Variants in PIWIL1 observed in about 807,000 individuals in gnomAD.
PIWIL1 encodes piwi like RNA-mediated gene silencing 1.
PIWIL1 carries 73 observed loss-of-function variants against 114.4 expected under a neutral mutation model. That is an observed-to-expected ratio of 0.64 (90% confidence interval 0.53 to 0.78). PIWIL1 has a LOEUF of 0.78. PIWIL1 is among the 30% of genes least tolerant of loss of function. PIWIL1 has a pLI of 0.00. For synonymous variants in PIWIL1, 375 were observed against 369.0 expected (o/e 1.02, Z -0.19); for missense variants, 723 against 1,063.1 (o/e 0.68, Z 4.45).
chr12:130,400,260 C>T, the PIWIL1 span, among the ~76,000 whole-genome samples: 6 of 152,198 alleles, frequency 3.9e-5, no homozygotes, highest in Non-Finnish European at 2.9e-5. Context: ...TGCCAGCAAG[C>T]TTGAGCGCTA....
At chr12:130,356,729 T>C (rs1308255721) in intron 12 of PIWIL1, among the ~76,000 whole-genome samples, 189 bp from the exon 13 acceptor site, 1 of 152,186 alleles carries the variant, frequency 6.6e-6, no homozygotes, top group African/African-American at 2.4e-5. Flanking sequence ...TTAAGTAAAA[T>C]TGCCATCATC....
At chr12:130,354,441 G>A in intron 9 of PIWIL1, 96 bp from the exon 10 acceptor site, 2 of 1,494,862 alleles carry the variant, frequency 1.3e-6, no homozygotes, top group Admixed American at 1.9e-5. Context: ...ATTGGCATCA[G>A]CTCTTTATTT....
chr12:130,352,784 G>A (rs890492087), intron 9 of PIWIL1, among the ~76,000 whole-genome samples: 1 of 152,162 alleles, frequency 6.6e-6, no homozygotes, highest in East Asian at 1.9e-4. Context: ...TTAAGGCCTT[G>A]GGTGAAATAG....
the PIWIL1 span, chr12:130,406,157 A>G: frequency 2.8e-6 from 4 of 1,419,316 alleles, no homozygotes; most frequent in Non-Finnish European, 4.0e-6. Flanking sequence ...ACTTCTTGAT[A>G]TTTCAAAAAC....
At chr12:130,362,035 G>GTTAGTTGTTGACA (rs1364515533) in intron 16 of PIWIL1, among the ~76,000 whole-genome samples, 1 of 152,172 alleles carries the variant, frequency 6.6e-6, no homozygotes, top group Non-Finnish European at 1.5e-5. Context: ...CTGAAGGCAT[G>GTTAGTTGTTGACA]TTAGTTGTTG....
intron 9 of PIWIL1, among the ~76,000 whole-genome samples, chr12:130,353,438 T>C (rs2073275020): frequency 6.6e-6 from 1 of 152,024 alleles, no homozygotes; most frequent in African/African-American, 2.4e-5. Flanking sequence ...GTTTTTTTTT[T>C]TTAAAGCTGG....
the PIWIL1 span, among the ~76,000 whole-genome samples, chr12:130,380,933 C>T: frequency 6.6e-6 from 1 of 152,032 alleles, no homozygotes; most frequent in East Asian, 1.9e-4. Context: ...AATGAGTCTT[C>T]TTTTTTTTAC....
the PIWIL1 span, chr12:130,396,013 G>GAAA: frequency 6.0e-4 from 88 of 147,848 alleles, no homozygotes; most frequent in South Asian, 8.5e-4. Context: ...ATTATTTTTG[G>GAAA]AAAAAAAAAA....
chr12:130,378,477 C>T, the PIWIL1 span, among the ~76,000 whole-genome samples: 3 of 152,114 alleles, frequency 2.0e-5, no homozygotes, highest in African/African-American at 2.4e-5. Flanking sequence ...ATTTCTCTGG[C>T]GGATACATAG....
At chr12:130,340,110 C>T (rs1407203932) in intron 1 of PIWIL1, among the ~76,000 whole-genome samples, 3 of 152,106 alleles carry the variant, frequency 2.0e-5, no homozygotes, top group East Asian at 3.9e-4. Flanking sequence ...GCCGGGGAAA[C>T]GGCTTTCGGA....
the PIWIL1 span, among the ~76,000 whole-genome samples, chr12:130,380,865 A>G: frequency 8.5e-4 from 129 of 152,304 alleles, no homozygotes; most frequent in African/African-American, 2.9e-3. Context: ...TTTGCTCATC[A>G]TTTGATTTTA....
chr12:130,361,766 C>T (rs1453762510), intron 16 of PIWIL1, among the ~76,000 whole-genome samples, 165 bp downstream of exon 16: 1 of 152,158 alleles, frequency 6.6e-6, no homozygotes, highest in Non-Finnish European at 1.5e-5. Context: ...TCTTGAATGA[C>T]TTTCATCCTG....
downstream of PIWIL1, chr12:130,372,675 A>G (rs1435589476): frequency 7.1e-6 from 1 of 140,762 alleles, no homozygotes; most frequent in African/African-American, 2.6e-5. Flanking sequence ...CTAATGTCAG[A>G]GTAAAATTTT....
chr12:130,389,746 C>G, the PIWIL1 span, among the ~76,000 whole-genome samples: 1 of 152,122 alleles, frequency 6.6e-6, no homozygotes, highest in Admixed American at 6.5e-5. Flanking sequence ...GTGTCACTGG[C>G]TTCTACTCTT....
intron 4 of PIWIL1, 119 bp from the exon 5 acceptor site, chr12:130,346,251 G>T: frequency 1.4e-6 from 1 of 707,294 alleles, no homozygotes; most frequent in Non-Finnish European, 2.4e-6. Flanking sequence ...GGACTTTCAT[G>T]TTGTCTGCTG....
intron 3 of PIWIL1, among the ~76,000 whole-genome samples, chr12:130,344,652 G>C (rs942505720): frequency 6.6e-6 from 1 of 152,146 alleles, no homozygotes; most frequent in African/African-American, 2.4e-5. Context: ...TGATCTTTTT[G>C]TTCTTTTGTC....
intron 5 of PIWIL1, 132 bp downstream of exon 5, chr12:130,346,716 G>C: frequency 1.2e-6 from 1 of 860,588 alleles, no homozygotes. Flanking sequence ...AACACATAGG[G>C]TACTTTGGCA....
At chr12:130,425,098 G>A in the PIWIL1 span, 129 of 375,258 alleles carry the variant, frequency 3.4e-4, no homozygotes, top group Non-Finnish European at 4.8e-4. Flanking sequence ...CCAGCGGGCC[G>A]GGCAGGAGCC....
intron 9 of PIWIL1, among the ~76,000 whole-genome samples, chr12:130,350,534 A>G (rs1458373216): frequency 6.6e-6 from 1 of 152,236 alleles, no homozygotes; most frequent in Non-Finnish European, 1.5e-5. Context: ...CATCAAAGGC[A>G]AATAGCAGGA....
Sources: allele counts gnomAD v4.1 joint callset (sites outside exome capture counted in the v4.1 genomes callset), GRCh38; gene constraint gnomAD v4.1.1; transcripts MANE v1.5; gene names NCBI Gene and HGNC (gene_info 2026-07-23, HGNC 2026-07-21).